CDH4: variants seen among roughly 807,000 people sequenced by gnomAD.
CDH4 encodes the protein cadherin 4.
CDH4 carries 33 observed loss-of-function variants against 86.0 expected under a neutral mutation model. The ratio of observed to expected loss-of-function variants is 0.38; its 90% CI spans 0.29 to 0.51. CDH4 has a LOEUF of 0.51. Among genes scored for constraint, CDH4 ranks in the 20% least tolerant of loss-of-function variants. The probability of loss-of-function intolerance (pLI) is 0.86; values close to 1 mark genes in which losing one functional copy is unlikely to be tolerated. For missense variants in CDH4, 1,114 were observed against 1,307.4 expected (o/e 0.85, Z 2.28); for synonymous variants, 555 against 549.4 (o/e 1.01, Z -0.14).
chr20:61,792,640 G>A (rs949432090), intron 4 of CDH4, among the ~76,000 whole-genome samples: 7 of 150,994 alleles, frequency 4.6e-5, no homozygotes, highest in Non-Finnish European at 7.4e-5. Flanking sequence ...AGATGATGCT[G>A]TGTGTGTGTG....
At chr20:61,587,596 A>T (rs1388594036) in intron 2 of CDH4, among the ~76,000 whole-genome samples, 1 of 151,106 alleles carries the variant, frequency 6.6e-6, no homozygotes, top group African/African-American at 2.4e-5. Flanking sequence ...TTCCATTTTG[A>T]CTCCGCTCCT....
At chr20:61,341,136 G>A (rs551221917) in intron 2 of CDH4, among the ~76,000 whole-genome samples, 1 of 152,326 alleles carries the variant, frequency 6.6e-6, no homozygotes, top group African/African-American at 2.4e-5. Context: ...GTGAGATAAA[G>A]TGCAAGCATG....
chr20:61,746,834 T>G (rs1425025619), intron 3 of CDH4, among the ~76,000 whole-genome samples: 1 of 152,224 alleles, frequency 6.6e-6, no homozygotes, highest in Non-Finnish European at 1.5e-5. Flanking sequence ...GTGCTGGGCC[T>G]TGCCAGGTGG....
At chr20:61,762,226 C>T (rs970388572) in intron 3 of CDH4, among the ~76,000 whole-genome samples, 1 of 152,196 alleles carries the variant, frequency 6.6e-6, no homozygotes, top group African/African-American at 2.4e-5. Flanking sequence ...TACACAGTCA[C>T]GAGGCATGTT....
intron 2 of CDH4, among the ~76,000 whole-genome samples, chr20:61,487,603 A>T (rs1392152410): frequency 6.6e-6 from 1 of 152,176 alleles, no homozygotes. Flanking sequence ...CTATTTCCCC[A>T]TTCCTCCCTG....
At chr20:61,598,883 C>T (rs1027114181) in intron 2 of CDH4, among the ~76,000 whole-genome samples, 5 of 152,220 alleles carry the variant, frequency 3.3e-5, no homozygotes, top group African/African-American at 9.7e-5. Flanking sequence ...TGGATGGCTC[C>T]TCCAGGGCTG....
chr20:61,495,477 G>A (rs2085654596), intron 2 of CDH4, among the ~76,000 whole-genome samples: 1 of 152,224 alleles, frequency 6.6e-6, no homozygotes, highest in Admixed American at 6.5e-5. Context: ...GGCAGCCCGG[G>A]ACTGCCCAGC....
At chr20:61,875,196 A>G (rs1480519654) in intron 7 of CDH4, among the ~76,000 whole-genome samples, 1 of 152,198 alleles carries the variant, frequency 6.6e-6, no homozygotes, top group Non-Finnish European at 1.5e-5. Context: ...CCGCCTTTCA[A>G]ATCAACCAAA....
chr20:61,372,283 A>G (rs947489669), intron 2 of CDH4, among the ~76,000 whole-genome samples: 1 of 152,314 alleles, frequency 6.6e-6, no homozygotes, highest in East Asian at 1.9e-4. Flanking sequence ...GGTCTGTCCC[A>G]TGCAGGCACA....
chr20:61,551,375 A>C lies in CDH4; in HGVS notation c.170-192188A>C, dbSNP rs572151351. Among the ~76,000 whole-genome samples, 112 of 152,344 alleles carry C rather than the reference A, an allele frequency of 7.4e-4. No homozygotes were observed. The South Asian group carries it at 0.022, about 30-fold the overall frequency. ...ATAAAGTCATACAGAAAATTTCACA[A>C]ATCACTGGTGTACTGCTCACTGGAT... On this transcript the variant is annotated intron_variant, in intron 2 of 15. Transcript: ENST00000614565.
chr20:61,817,820 G>A (rs953520836), intron 4 of CDH4, among the ~76,000 whole-genome samples: 2 of 152,220 alleles, frequency 1.3e-5, no homozygotes, highest in African/African-American at 4.8e-5. Context: ...GAGAGTGGAG[G>A]CCAACGCACT....
intron 12 of CDH4, 26 bp downstream of exon 12, chr20:61,928,449 G>A (rs1277966815): frequency 1.2e-6 from 2 of 1,600,816 alleles, no homozygotes; most frequent in Non-Finnish European, 1.7e-6. Context: ...GCCACGGGGA[G>A]GGTCAGACTA....
chr20:61,753,391 T>A (rs1255170668), intron 3 of CDH4, among the ~76,000 whole-genome samples: 2 of 152,216 alleles, frequency 1.3e-5, no homozygotes, highest in Admixed American at 6.5e-5. Context: ...CTTTTCTCCT[T>A]CTTTTGTCGC....
chr20:61,661,519 C>T (rs1287977195), intron 2 of CDH4, among the ~76,000 whole-genome samples: 10 of 120,442 alleles, frequency 8.3e-5, no homozygotes, highest in African/African-American at 3.2e-4. Flanking sequence ...AGAGTTGGGT[C>T]TATAAAGAAA....
In CDH4 at chr20:61,709,980, A is replaced by T. The variant is rs1332988202; in HGVS notation, c.170-33583A>T. ...TGTGTGTTGTAGGGAAAAGTTTGCC[A>T]CCAACAGCGAGTTTAAAACTTTGAA... On this transcript the variant is annotated intron_variant, in intron 2 of 15. Transcript: ENST00000614565. The surrounding 1 kb of genome is among the most constrained non-coding windows in gnomAD (Gnocchi z 4.8). 2.6e-5 allele frequency among the ~76,000 whole-genome samples: 4 copies of T among 152,142 alleles called. No individual in the cohort carries two copies. Among genetic ancestry groups the T allele is most frequent in the African/African-American group, 9.7e-5 (4 of 41,414 alleles).
At chr20:61,923,079 G>C (rs769849692) in intron 9 of CDH4, among the ~76,000 whole-genome samples, 33 of 152,250 alleles carry the variant, frequency 2.2e-4, no homozygotes, top group Non-Finnish European at 4.4e-4. Context: ...ACAACGTCAG[G>C]AGCCTTCCCC....
At chr20:61,273,526 TTTAGGGGAGTACCGTGTGCAG>T (rs1568776310) in intron 2 of CDH4, among the ~76,000 whole-genome samples, 8 of 872 alleles carry the variant, frequency 9.2e-3, no homozygotes, top group Admixed American at 0.028. Context: ...CCATGTGCAG[TTTAGGGGAGTACCGTGTGCAG>T]TTTGGAGGAG....
chr20:61,349,472 CA>C, intron 2 of CDH4, among the ~76,000 whole-genome samples: 1 of 152,334 alleles, frequency 6.6e-6, no homozygotes, highest in East Asian at 1.9e-4. Context: ...AGTTAATTTA[CA>C]AAGTCAGTGA....
chr20:61,444,333 TTC>T (rs1233756164), intron 2 of CDH4, among the ~76,000 whole-genome samples: 4 of 11,424 alleles, frequency 3.5e-4, no homozygotes, highest in African/African-American at 1.3e-3. Flanking sequence ...GCACGTGTGT[TTC>T]TCTGTGTGTG....
Sources: allele counts gnomAD v4.1 joint callset (sites outside exome capture counted in the v4.1 genomes callset), GRCh38; gene constraint gnomAD v4.1.1; non-coding constraint Gnocchi (gnomAD v3.1); transcripts MANE v1.5; gene names NCBI Gene and HGNC (gene_info 2026-07-23, HGNC 2026-07-21).